The following DOCK3 variants were observed in gnomAD, a reference collection of about 807,000 sequenced individuals.
DOCK3 encodes the protein dedicator of cytokinesis 3.
DOCK3 carries 60 observed loss-of-function variants against 265.6 expected under a neutral mutation model. That is an observed-to-expected ratio of 0.23 (90% confidence interval 0.18 to 0.28). The LOEUF is 0.28. Among genes scored for constraint, DOCK3 ranks in the 10% least tolerant of loss-of-function variants. The pLI is 1.00. For synonymous variants in DOCK3, 881 were observed against 938.0 expected (o/e 0.94, Z 1.11); for missense variants, 1,981 against 2,594.3 (o/e 0.76, Z 5.14).
chr3:50,806,722 A>C (rs2043440449), intron 2 of DOCK3, among the ~76,000 whole-genome samples: 2 of 152,084 alleles, frequency 1.3e-5, no homozygotes, highest in East Asian at 1.9e-4. Context: ...GGCATAATGA[A>C]GATGGAGCCC....
intron 30 of DOCK3, 115 bp downstream of exon 30, chr3:51,312,691 C>G (rs2083149752): frequency 4.8e-6 from 6 of 1,256,480 alleles, no homozygotes; most frequent in Non-Finnish European, 6.6e-6. Context: ...TCCCAGGGGC[C>G]CAAGTGTGGG....
rs879698299 is a variant in DOCK3 at position 50,856,458 on chromosome 3, A to G, written c.162+14743A>G. On this transcript the variant is annotated intron_variant, in intron 3 of 52. Coordinates refer to ENST00000266037, the MANE Select transcript of DOCK3 (RefSeq NM_004947.5). ...CAGTGATGTTGGGCTTTTTTTTTTC[A>G]TATGTTTGTTGGCCACATGTATGTC... Among the ~76,000 whole-genome samples the G allele has an allele frequency of 4.7e-5, 7 of 149,346 alleles. No homozygotes were observed. In the East Asian group the frequency reaches 5.9e-4, roughly 13 times the overall value.
At chr3:50,860,358 A>G (rs1002639771) in intron 3 of DOCK3, among the ~76,000 whole-genome samples, 2 of 152,136 alleles carry the variant, frequency 1.3e-5, no homozygotes, top group African/African-American at 4.8e-5. Flanking sequence ...CTGAGTTGGT[A>G]CTGGCTTGAT....
At chr3:51,284,978 A>G (rs2081330361) in intron 27 of DOCK3, among the ~76,000 whole-genome samples, 2 of 152,232 alleles carry the variant, frequency 1.3e-5, no homozygotes, top group Admixed American at 1.3e-4. Flanking sequence ...ATAAATGCCC[A>G]TGTTCAGCTT....
rs146229616 is a variant in DOCK3, at chr3:51,196,057, T to C, written c.1038-12717T>C. On this transcript the variant is annotated intron_variant, in intron 12 of 52. Transcript: ENST00000266037. ...CTCAAGCAATCTTCCTGCCTCAGCCTCCCATGTTGCTAAGACTTCAGGCAC... is the reference window on the plus strand; with the variant it reads ...CTCAAGCAATCTTCCTGCCTCAGCCCCCCATGTTGCTAAGACTTCAGGCAC... Among the ~76,000 whole-genome samples, 1,433 of 151,598 alleles carry C rather than the reference T, an allele frequency of 9.5e-3. 15 individuals carry two copies. The highest frequency in any genetic ancestry group is 0.017 in the Non-Finnish European group (1,135 of 67,944).
intron 49 of DOCK3, among the ~76,000 whole-genome samples, chr3:51,366,233 G>T (rs1361707394): frequency 6.6e-6 from 1 of 152,110 alleles, no homozygotes; most frequent in Non-Finnish European, 1.5e-5. Flanking sequence ...TATGTGTCCA[G>T]GAATTTATCC....
intron 22 of DOCK3, among the ~76,000 whole-genome samples, chr3:51,249,713 G>A (rs1322536607): frequency 3.2e-5 from 4 of 126,686 alleles, no homozygotes; most frequent in East Asian, 2.5e-4. Flanking sequence ...GCCTCTGCCC[G>A]GCCGCCCCTA....
rs1341575670 is a variant in DOCK3 at position 51,016,834 on chromosome 3, GAT to G, written c.316-47609_316-47608del. 2.8e-4 allele frequency among the ~76,000 whole-genome samples: 5 copies of G among 17,624 alleles called. 1 individual carries two copies. Among genetic ancestry groups the G allele is most frequent in the East Asian group, 3.4e-3 (1 of 296 alleles). 11.6% of individuals were successfully genotyped at this position (17,624 alleles called of 152,430 possible). On this transcript the variant is annotated intron_variant, in intron 5 of 52. Coordinates refer to ENST00000266037, the MANE Select transcript of DOCK3 (RefSeq NM_004947.5). ...ATATATATCATATATAAATATATAT[GAT>G]ATATGTTTATATATATCATATATAA...
chr3:51,197,636 G>A (rs1205972339), intron 12 of DOCK3, among the ~76,000 whole-genome samples: 2 of 152,184 alleles, frequency 1.3e-5, no homozygotes, highest in African/African-American at 4.8e-5. Flanking sequence ...AGTGAAGCTG[G>A]ACTAGGTAGG....
At chr3:51,030,262 A>G (rs2079992755) in intron 5 of DOCK3, among the ~76,000 whole-genome samples, 1 of 152,080 alleles carries the variant, frequency 6.6e-6, no homozygotes, top group Non-Finnish European at 1.5e-5. Flanking sequence ...CTAGTTGGCC[A>G]TCTTTTGGTC....
Position 50,874,423 on chromosome 3 carries a change from T to C in DOCK3, c.163-15603T>C, listed in dbSNP as rs1395672457. The stretch of plus-strand genomic sequence containing the variant: ...TGGGAGGCTGAAGCAGGAGGATCCC[T>C]TGAGCCTAGGAGTTTAAGGCTGCAG... On this transcript the variant is annotated intron_variant, in intron 3 of 52. Coordinates refer to ENST00000266037, the MANE Select transcript of DOCK3 (RefSeq NM_004947.5). 9.9e-5 allele frequency among the ~76,000 whole-genome samples: 15 copies of C among 152,136 alleles called. No homozygotes were observed. The South Asian group carries it at 2.3e-3, about 23-fold the overall frequency.
chr3:50,936,295 C>T (rs1006011427), intron 5 of DOCK3, among the ~76,000 whole-genome samples: 4 of 151,382 alleles, frequency 2.6e-5, no homozygotes, highest in Non-Finnish European at 5.9e-5. Flanking sequence ...GCTCTGCTTC[C>T]AGAGACCTGT....
At chr3:51,171,584 G>A (rs1212303273) in intron 12 of DOCK3, among the ~76,000 whole-genome samples, 1 of 151,970 alleles carries the variant, frequency 6.6e-6, no homozygotes, top group Admixed American at 6.6e-5. Flanking sequence ...GAGTGTGGTG[G>A]TGGGCACCTG....
chr3:51,288,996 G>A (rs1162967749), intron 27 of DOCK3, among the ~76,000 whole-genome samples: 1 of 151,776 alleles, frequency 6.6e-6, no homozygotes, highest in Non-Finnish European at 1.5e-5. Context: ...GTAGCCTGGG[G>A]GAAGAGAGAT....
intron 1 of DOCK3, among the ~76,000 whole-genome samples, chr3:50,696,199 G>T (rs2107777894): frequency 6.6e-6 from 1 of 152,288 alleles, no homozygotes; most frequent in African/African-American, 2.4e-5. Flanking sequence ...CAGCATGATG[G>T]AATAGGAAAG....
At chr3:51,007,747 GT>G (rs59516433) in intron 5 of DOCK3, among the ~76,000 whole-genome samples, 137,114 of 152,106 alleles carry the variant, frequency 0.9, 61,993 homozygotes, top group African/African-American at 0.95. Context: ...GGTTTTTATG[GT>G]TTTTAGGTCA....
intron 9 of DOCK3, among the ~76,000 whole-genome samples, chr3:51,127,879 A>G (rs1031507382): frequency 6.6e-5 from 10 of 152,096 alleles, no homozygotes; most frequent in African/African-American, 2.4e-4. Flanking sequence ...ATTGACCTTA[A>G]TCACAGGGCA....
chr3:50,712,787 A>G (rs2036855800), intron 1 of DOCK3, among the ~76,000 whole-genome samples: 1 of 152,112 alleles, frequency 6.6e-6, no homozygotes, highest in African/African-American at 2.4e-5. Flanking sequence ...TAATTTTCCT[A>G]CTGTTACAGG....
intron 2 of DOCK3, among the ~76,000 whole-genome samples, chr3:50,790,916 T>C (rs1315963619): frequency 1.3e-5 from 2 of 151,646 alleles, no homozygotes; most frequent in African/African-American, 2.4e-5. Flanking sequence ...AATGTCTTTT[T>C]TTGAGAAGCA....
Sources: gnomAD v4.1 joint callset for allele counts (sites outside exome capture counted in the v4.1 genomes callset) on GRCh38, gnomAD v4.1.1 for gene constraint, MANE v1.5 for transcripts, NCBI Gene and HGNC (gene_info 2026-07-23, HGNC 2026-07-21) for gene names.